KIF23: variants seen among roughly 807,000 people sequenced by gnomAD.
KIF23 encodes the protein kinesin-like protein KIF23.
In KIF23, 30 loss-of-function variants were observed where a neutral mutation model predicts 137.5. The observed-to-expected ratio is 0.22, with a 90% CI of 0.16 to 0.30. The LOEUF is 0.30. Among genes scored for constraint, KIF23 ranks in the 10% least tolerant of loss-of-function variants. The pLI, the probability that KIF23 is intolerant of heterozygous loss-of-function variation, is 1.00. For missense variants in KIF23, 920 were observed against 1,194.3 expected (o/e 0.77, Z 3.38); for synonymous variants, 367 against 391.1 (o/e 0.94, Z 0.73).
At chr15:69,426,596 C>T (rs972285514) in intron 10 of KIF23, 139 bp downstream of exon 10, 6 of 810,644 alleles carry the variant, frequency 7.4e-6, no homozygotes, top group Non-Finnish European at 1.2e-5. Flanking sequence ...TGCACCACTC[C>T]TGTAATCCCA....
intron 1 of KIF23, chr15:69,414,734 C>G (rs2056849611): frequency 7.7e-6 from 3 of 387,422 alleles, no homozygotes; most frequent in Non-Finnish European, 1.4e-5. Context: ...AGGGTCGGCC[C>G]GGAGCCGGGG....
At chr15:69,422,762 A>G in intron 6 of KIF23, 2 of 304,708 alleles carry the variant, frequency 6.6e-6, no homozygotes, top group Non-Finnish European at 1.2e-5. Flanking sequence ...TTGTAATTGC[A>G]GATATTTATT....
intron 13 of KIF23, 82 bp downstream of exon 13, chr15:69,435,853 A>T: frequency 6.6e-7 from 1 of 1,522,684 alleles, no homozygotes; most frequent in Non-Finnish European, 8.9e-7. Context: ...TGACATTTTG[A>T]ATATTTTAAA....
intron 20 of KIF23, 95 bp from the exon 21 acceptor site, chr15:69,445,914 A>G (rs2057731066): frequency 5.5e-6 from 5 of 909,258 alleles, no homozygotes; most frequent in Middle Eastern, 2.3e-4. Flanking sequence ...GGGAATTTCT[A>G]TAAAATAGAA....
chr15:69,423,135 A>C, intron 6 of KIF23, 24 bp from the exon 7 acceptor site: 1 of 1,435,896 alleles, frequency 7.0e-7, no homozygotes, highest in East Asian at 2.3e-5. Flanking sequence ...TATAACGTAT[A>C]CAATTGAACT....
At chr15:69,431,444 T>G (rs2057353165) in intron 11 of KIF23, among the ~76,000 whole-genome samples, 1 of 152,196 alleles carries the variant, frequency 6.6e-6, no homozygotes, top group South Asian at 2.1e-4. Context: ...AAACCCCATC[T>G]CTACTAAAAA....
chr15:69,425,248 A>G, intron 7 of KIF23, 34 bp from the exon 8 acceptor site: 2 of 1,526,828 alleles, frequency 1.3e-6, no homozygotes, highest in Non-Finnish European at 1.8e-6. Context: ...TGGCTGCTGT[A>G]GAAACAGTAA....
intron 3 of KIF23, among the ~76,000 whole-genome samples, chr15:69,420,832 T>C (rs894476985): frequency 6.6e-6 from 1 of 152,160 alleles, no homozygotes; most frequent in African/African-American, 2.4e-5. Flanking sequence ...TTGCCCAGGC[T>C]GGTCTCTTAA....
chr15:69,429,844 A>G (rs112424312), intron 11 of KIF23, among the ~76,000 whole-genome samples: 1,961 of 152,092 alleles, frequency 0.013, 36 homozygotes, highest in African/African-American at 0.044. Context: ...AACATGATGA[A>G]ACCCCATCTC....
Position 69,436,227 on chromosome 15 carries a change from A to C in KIF23, c.1404A>C (p.Arg468Ser). The C allele has an allele frequency of 6.2e-7, 1 of 1,613,968 alleles. No homozygotes were observed. The highest frequency in any genetic ancestry group is 1.1e-5 in the South Asian group (1 of 91,050). The change falls in exon 14 of 24, where the codon AGA (arginine) becomes AGC (serine). Residue 468 changes from arginine (R) to serine (S), a missense_variant. Around this residue, in one of 4 missense-constraint regions of KIF23, gnomAD observed 714 missense variants for 866.2 expected, o/e 0.82. Transcript: ENST00000679126. ...KAICGLTPGR[R>S]YRNQPRGPVG... ...TATGTGGTTTAACGCCTGGGAGGAG[A>C]TACAGAAACCAGCCTCGAGGTCCAG...
In KIF23 at chr15:69,426,183, G is replaced by A; in HGVS notation, c.889+1G>A. On this transcript the variant is annotated splice_donor_variant, in intron 9 of 23. Coordinates refer to ENST00000679126, the MANE Select transcript of KIF23 (RefSeq NM_001367805.3). LOFTEE classifies it high-confidence loss of function. ...GAGGCTTTTGAAGTTTTCTGGAGAG[G>A]TTAGAAACACCTAGAACTAGAAAAA... The A allele has an allele frequency of 6.2e-7, 1 of 1,602,894 alleles. No homozygotes were observed. The highest frequency in any genetic ancestry group is 8.5e-7 in the Non-Finnish European group (1 of 1,174,564).
chr15:69,419,591 CA>C (rs1375439764), intron 3 of KIF23, among the ~76,000 whole-genome samples: 1 of 152,198 alleles, frequency 6.6e-6, no homozygotes, highest in African/African-American at 2.4e-5. Flanking sequence ...TCAGAAACAG[CA>C]CCCCACAACC....
At chr15:69,433,492 C>G (rs77929271) in intron 11 of KIF23, among the ~76,000 whole-genome samples, 1,952 of 152,256 alleles carry the variant, frequency 0.013, 37 homozygotes, top group African/African-American at 0.043. Context: ...TCTGAAGACA[C>G]TTGACTGTTA....
rs1443297310 is a variant in KIF23 at position 69,436,118 on chromosome 15, C to T, written c.1315-20C>T. 6.3e-7 allele frequency: 1 copy of T among 1,594,824 alleles called. No individual in the cohort carries two copies. On this transcript the variant is annotated intron_variant, in intron 13 of 23. Transcript: ENST00000679126. ...GGATATCCTTATTTTTTTTTAAACT[C>T]CATTTGTTTTGTGTTTTAGCAAGTC...
chr15:69,430,502 G>A (rs1403535397), intron 11 of KIF23, among the ~76,000 whole-genome samples: 1 of 152,140 alleles, frequency 6.6e-6, no homozygotes, highest in Admixed American at 6.5e-5. Flanking sequence ...GAGTATGATG[G>A]GAGTGCAGGG....
chr15:69,441,144 T>C, intron 19 of KIF23, 65 bp downstream of exon 19: 1 of 1,394,230 alleles, frequency 7.2e-7, no homozygotes, highest in Non-Finnish European at 9.7e-7. Context: ...TTTTTGTAAC[T>C]TGTGTCTGAA....
At chr15:69,433,493 T>C (rs1555428829) in intron 11 of KIF23, among the ~76,000 whole-genome samples, 3 of 152,154 alleles carry the variant, frequency 2.0e-5, no homozygotes, top group Non-Finnish European at 2.9e-5. Context: ...CTGAAGACAC[T>C]TGACTGTTAG....
At chr15:69,440,659 A>G (rs2057593791) in intron 18 of KIF23, 109 bp from the exon 19 acceptor site, 1 of 1,138,134 alleles carries the variant, frequency 8.8e-7, no homozygotes, top group Non-Finnish European at 1.2e-6. Context: ...AATAGAACAA[A>G]TAATTATTTG....
At chr15:69,447,372 G>T (rs778768436) in intron 23 of KIF23, among the ~76,000 whole-genome samples, 14 of 152,098 alleles carry the variant, frequency 9.2e-5, no homozygotes, top group Non-Finnish European at 1.5e-4. Context: ...CTGAATGAAA[G>T]AATTTATAGT....
Sources: allele counts gnomAD v4.1 joint callset (sites outside exome capture counted in the v4.1 genomes callset), GRCh38; gene constraint gnomAD v4.1.1; regional missense constraint gnomAD v4.1.1; transcripts MANE v1.5; gene names NCBI Gene and HGNC (gene_info 2026-07-23, HGNC 2026-07-21).